Variants in DLGAP2 observed in about 807,000 individuals in gnomAD.
DLGAP2 encodes the protein disks large-associated protein 2.
Under a neutral mutation model 100.3 loss-of-function variants are expected in DLGAP2, and 26 were observed. The observed-to-expected ratio is 0.26, with a 90% confidence interval of 0.19 to 0.36. The LOEUF (loss-of-function observed/expected upper bound fraction) is 0.36, where lower values mean the gene tolerates loss of function less well. Ranked by LOEUF, DLGAP2 falls within the 10% of genes least tolerant of loss-of-function variation. The pLI is 1.00. For synonymous variants in DLGAP2, 886 were observed against 630.1 expected, an observed-to-expected ratio of 1.41 and a Z score of -6.08; for missense variants, 1,858 against 1,453.2, an observed-to-expected ratio of 1.28 and a Z score of -4.53.
chr8:831,489 G>A (rs1217499243), intron 1 of DLGAP2, among the ~76,000 whole-genome samples: 2 of 152,074 alleles, frequency 1.3e-5, no homozygotes, highest in Non-Finnish European at 2.9e-5. Context: ...CCTTGTGATA[G>A]TTTGCTGAGA....
intron 2 of DLGAP2, among the ~76,000 whole-genome samples, chr8:1,119,777 T>A (rs760811769): frequency 2.0e-5 from 3 of 152,224 alleles, no homozygotes; most frequent in Non-Finnish European, 4.4e-5. Flanking sequence ...CCTCTAGAGT[T>A]GGTACAAGTT....
intron 2 of DLGAP2, among the ~76,000 whole-genome samples, chr8:1,254,983 T>TGTGTGTGTGCCCTCTCCTGCCCGGGTGCC (rs1799148484): frequency 7.7e-6 from 1 of 129,202 alleles, no homozygotes; most frequent in African/African-American, 3.3e-5. Flanking sequence ...GTCCGGGTGC[T>TGTGTGTGTGCCCTCTCCTGCCCGGGTGCC]GTGTGTGTGT....
rs757753970 is a variant in DLGAP2, at chr8:1,701,238, G to A, written c.3000G>A (p.Lys1000=). ...PPIPKKPPKG[K]FPITREKSLD... Reference sequence around the variant, plus strand: ...TACCAAAGAAGCCTCCCAAGGGGAAGTTTCCCATCACAAGAGAAAAATCCC... The same window carrying A: ...TACCAAAGAAGCCTCCCAAGGGGAAATTTCCCATCACAAGAGAAAAATCCC... The change falls in exon 15 of 15, where the codon AAG becomes AAA. Residue 1000 remains lysine (K), a synonymous_variant. Coordinates refer to ENST00000637795, the MANE Select transcript of DLGAP2 (RefSeq NM_001346810.2). 14 of 1,579,028 alleles carry A rather than the reference G, an allele frequency of 8.9e-6. No individual in the cohort carries two copies. In the South Asian group the frequency reaches 1.6e-4, roughly 18 times the overall value.
intron 3 of DLGAP2, among the ~76,000 whole-genome samples, chr8:1,330,474 C>A (rs1312273887): frequency 7.5e-6 from 1 of 132,866 alleles, no homozygotes; most frequent in Admixed American, 8.1e-5. Context: ...AGCACCACTT[C>A]ACGAGGACTG....
intron 2 of DLGAP2, among the ~76,000 whole-genome samples, chr8:1,193,091 C>A (rs7825502): frequency 2.0e-5 from 3 of 152,016 alleles, no homozygotes; most frequent in Admixed American, 2.0e-4. Flanking sequence ...ATTTGGGTTG[C>A]TTCCAAGTCT....
chr8:941,021 CAT>C (rs1054962894), intron 2 of DLGAP2, among the ~76,000 whole-genome samples: 1 of 152,204 alleles, frequency 6.6e-6, no homozygotes, highest in African/African-American at 2.4e-5. Flanking sequence ...AGGAATCACA[CAT>C]AGTTAGCCTT....
intron 3 of DLGAP2, among the ~76,000 whole-genome samples, chr8:1,321,455 G>C (rs996225011): frequency 6.6e-6 from 1 of 152,214 alleles, no homozygotes; most frequent in African/African-American, 2.4e-5. Flanking sequence ...CTGCATGTGT[G>C]CGTGCATCCG....
chr8:1,563,023 T>C, intron 5 of DLGAP2, among the ~76,000 whole-genome samples: 1 of 37,964 alleles, frequency 2.6e-5, no homozygotes, highest in African/African-American at 1.2e-4. Flanking sequence ...GGGGGCTGTG[T>C]GGTTTTGGGG....
intron 2 of DLGAP2, among the ~76,000 whole-genome samples, chr8:1,138,259 AG>A (rs1340462074): frequency 2.0e-5 from 3 of 152,298 alleles, no homozygotes; most frequent in African/African-American, 4.8e-5. Flanking sequence ...TAAGCATCGC[AG>A]GAGCCTAGGT....
chr8:1,294,141 G>T (rs149833902), intron 3 of DLGAP2, among the ~76,000 whole-genome samples: 286 of 152,190 alleles, frequency 1.9e-3, no homozygotes, highest in African/African-American at 6.6e-3. Flanking sequence ...ATCACCTCCC[G>T]AAACTGTATG....
intron 2 of DLGAP2, among the ~76,000 whole-genome samples, chr8:988,824 A>G (rs1383127900): frequency 2.6e-5 from 4 of 152,076 alleles, no homozygotes; most frequent in Non-Finnish European, 5.9e-5. Context: ...CTTTTTCTGC[A>G]TCATTTCCAA....
chr8:1,442,646 C>T (rs1435109824), intron 3 of DLGAP2, among the ~76,000 whole-genome samples: 1 of 147,218 alleles, frequency 6.8e-6, no homozygotes, highest in Non-Finnish European at 1.5e-5. Flanking sequence ...GGTTCAGCCA[C>T]TGGAGGAGAC....
intron 2 of DLGAP2, among the ~76,000 whole-genome samples, chr8:1,110,983 C>A (rs1012025148): frequency 6.6e-6 from 1 of 151,984 alleles, no homozygotes; most frequent in Non-Finnish European, 1.5e-5. Context: ...ATCTGCCAGC[C>A]GAAGGTCACA....
intron 6 of DLGAP2, among the ~76,000 whole-genome samples, chr8:1,586,463 G>A (rs1796123452): frequency 6.6e-6 from 1 of 152,158 alleles, no homozygotes; most frequent in South Asian, 2.1e-4. Flanking sequence ...GACTTGCTCT[G>A]CCTTCCTCTT....
chr8:1,081,362 GT>G (rs1803802497), intron 2 of DLGAP2, among the ~76,000 whole-genome samples: 1 of 152,144 alleles, frequency 6.6e-6, no homozygotes, highest in Non-Finnish European at 1.5e-5. Flanking sequence ...TTAAGAGAAA[GT>G]TTTTTTGAGA....
intron 2 of DLGAP2, among the ~76,000 whole-genome samples, chr8:1,233,371 A>T (rs1006274193): frequency 6.6e-6 from 1 of 152,224 alleles, no homozygotes; most frequent in African/African-American, 2.4e-5. Context: ...TTAATTCAAT[A>T]GCAGAAGACT....
At chr8:1,448,205 CT>C (rs1299341347) in intron 3 of DLGAP2, among the ~76,000 whole-genome samples, 1 of 152,082 alleles carries the variant, frequency 6.6e-6, no homozygotes, top group East Asian at 1.9e-4. Context: ...ATCTTTCCTG[CT>C]TTCTTTTGTG....
chr8:1,651,198 C>G (rs1258356170), intron 8 of DLGAP2, among the ~76,000 whole-genome samples: 1 of 152,250 alleles, frequency 6.6e-6, no homozygotes, highest in African/African-American at 2.4e-5. Flanking sequence ...TGCCTCACAG[C>G]AGAAGGGCCA....
chr8:1,169,272 T>G (rs1332966640), intron 2 of DLGAP2, among the ~76,000 whole-genome samples: 1 of 152,234 alleles, frequency 6.6e-6, no homozygotes, highest in African/African-American at 2.4e-5. Context: ...CCATGCTGTT[T>G]TGGTTACTGT....
Sources: gnomAD v4.1 joint callset for allele counts (sites outside exome capture counted in the v4.1 genomes callset) on GRCh38, gnomAD v4.1.1 for gene constraint, MANE v1.5 for transcripts, NCBI Gene and HGNC (gene_info 2026-07-23, HGNC 2026-07-21) for gene names.